Variants in EPHA5 observed in about 807,000 individuals in gnomAD.
The protein encoded by EPHA5 is EPH receptor A5.
Under a neutral mutation model 105.0 loss-of-function variants are expected in EPHA5, and 60 were observed. The ratio of observed to expected loss-of-function variants is 0.57; its 90% CI spans 0.46 to 0.71. The LOEUF is 0.71. Ranked by LOEUF, EPHA5 falls within the 30% of genes least tolerant of loss-of-function variation. The probability of loss-of-function intolerance (pLI) is 0.00; values close to 1 mark genes in which losing one functional copy is unlikely to be tolerated. For missense variants in EPHA5, 1,218 were observed against 1,274.7 expected, an observed-to-expected ratio of 0.96 and a Z score of 0.68; for synonymous variants, 513 against 449.1, an observed-to-expected ratio of 1.14 and a Z score of -1.80.
At chr4:65,584,260 A>C (rs555975483) in intron 3 of EPHA5, among the ~76,000 whole-genome samples, 1 of 151,898 alleles carries the variant, frequency 6.6e-6, no homozygotes, top group Non-Finnish European at 1.5e-5. Flanking sequence ...TCTGTGACTA[A>C]ATCTCTGTTG....
At chr4:65,614,637 T>C (rs1177794550) in intron 2 of EPHA5, among the ~76,000 whole-genome samples, 5 of 151,884 alleles carry the variant, frequency 3.3e-5, no homozygotes, top group African/African-American at 1.2e-4. Flanking sequence ...ATGCTAAATA[T>C]AGGCTAATGC....
intron 5 of EPHA5, among the ~76,000 whole-genome samples, chr4:65,428,435 A>C (rs1724659932): frequency 6.6e-6 from 1 of 152,110 alleles, no homozygotes; most frequent in African/African-American, 2.4e-5. Context: ...TTCTGTACTA[A>C]AGAAAGAAGG....
intron 15 of EPHA5, among the ~76,000 whole-genome samples, chr4:65,332,875 T>A (rs1720774030): frequency 6.6e-6 from 1 of 151,942 alleles, no homozygotes; most frequent in Non-Finnish European, 1.5e-5. Flanking sequence ...GAGGAACTTA[T>A]GCTCATTTAA....
intron 3 of EPHA5, among the ~76,000 whole-genome samples, chr4:65,497,160 C>G (rs1732028338): frequency 6.6e-6 from 1 of 152,126 alleles, no homozygotes; most frequent in South Asian, 2.1e-4. Flanking sequence ...ACTACATATA[C>G]TGAAGTATGA....
rs371511658 is a variant in EPHA5, at chr4:65,609,568, G to A, written c.247-7264C>T. On this transcript the variant is annotated intron_variant, in intron 2 of 16. Transcript: ENST00000613740. ...TTTGCAGCAAAATTCACAGACAATT[G>A]AGCATCTATTTTCAACAGTAAATGT... is the stretch of plus-strand genomic sequence containing the variant. Among the ~76,000 whole-genome samples, 295 of 150,830 alleles carry A rather than the reference G, an allele frequency of 2.0e-3. 2 individuals carry two copies. Among genetic ancestry groups the A allele is most frequent in the African/African-American group, 6.2e-3 (257 of 41,222 alleles).
At chr4:65,521,054 T>G (rs1734656912) in intron 3 of EPHA5, among the ~76,000 whole-genome samples, 1 of 152,122 alleles carries the variant, frequency 6.6e-6, no homozygotes, top group Non-Finnish European at 1.5e-5. Context: ...TAAATCATGC[T>G]GCTATAAAGA....
In EPHA5 at chr4:65,319,812, C is replaced by A. The variant is rs976228498; in HGVS notation, c.*4302G>T. The A allele has an allele frequency of 8.7e-6, 2 of 228,806 alleles. No individual in the cohort carries two copies. Among genetic ancestry groups the A allele is most frequent in the South Asian group, 3.6e-4 (2 of 5,512 alleles). 14.2% of individuals were successfully genotyped at this position (228,806 alleles called of 1,614,324 possible). A position where few individuals can be genotyped will look rare whatever the true frequency, so the allele number is the denominator to read the frequency against. On this transcript the variant is annotated 3_prime_UTR_variant, in exon 17 of 17. Coordinates refer to ENST00000613740, the MANE Select transcript of EPHA5 (RefSeq NM_001281766.3). ...TAAGAGATTTTGGTAAAAATACTAA[C>A]AAATGACTGAGTCTAAGTATTCTCA...
chr4:65,426,003 C>T (rs993806081), intron 5 of EPHA5, among the ~76,000 whole-genome samples: 2 of 152,114 alleles, frequency 1.3e-5, no homozygotes, highest in African/African-American at 2.4e-5. Flanking sequence ...CGTCCACCCT[C>T]GTTGAAGACG....
intron 5 of EPHA5, among the ~76,000 whole-genome samples, chr4:65,462,644 C>A (rs1404444943): frequency 1.3e-5 from 2 of 152,112 alleles, no homozygotes; most frequent in African/African-American, 4.8e-5. Context: ...TCCAGGAAGC[C>A]AGAAGAAACT....
At chr4:65,411,967 G>A (rs747388341) in intron 7 of EPHA5, among the ~76,000 whole-genome samples, 3 of 152,118 alleles carry the variant, frequency 2.0e-5, no homozygotes, top group East Asian at 1.9e-4. Context: ...GGTGGCTGAC[G>A]CCTGTAATCC....
intron 3 of EPHA5, among the ~76,000 whole-genome samples, chr4:65,599,974 A>T (rs1339298844): frequency 6.6e-6 from 1 of 152,148 alleles, no homozygotes. Flanking sequence ...TGTCAATCAA[A>T]ATAATGACAA....
rs112710497 is a variant in EPHA5, at chr4:65,368,695, A to C, written c.1794-1271T>G. On this transcript the variant is annotated intron_variant, in intron 8 of 16. Coordinates refer to ENST00000613740, the MANE Select transcript of EPHA5 (RefSeq NM_001281766.3). ...AGTATATAAGATGCTTTTCTATTGC[A>C]TTACCTATCTACTGCAAAATATTTA... is the stretch of plus-strand genomic sequence containing the variant. 5.2e-3 allele frequency among the ~76,000 whole-genome samples: 797 copies of C among 152,296 alleles called. 10 individuals carry two copies. Among genetic ancestry groups the C allele is most frequent in the African/African-American group, 0.018 (743 of 41,568 alleles).
chr4:65,579,206 A>T (rs1741358531), intron 3 of EPHA5, among the ~76,000 whole-genome samples: 1 of 151,464 alleles, frequency 6.6e-6, no homozygotes, highest in Non-Finnish European at 1.5e-5. Flanking sequence ...GCAATTTGCC[A>T]TGAGAATATA....
intron 3 of EPHA5, among the ~76,000 whole-genome samples, chr4:65,599,354 C>CACACACACACAT: frequency 6.6e-6 from 1 of 151,070 alleles, no homozygotes; most frequent in East Asian, 1.9e-4. Flanking sequence ...TTATAACACA[C>CACACACACACAT]ACACACACAC....
At chr4:65,658,105 T>G (rs1749231415) in intron 1 of EPHA5, among the ~76,000 whole-genome samples, 1 of 152,036 alleles carries the variant, frequency 6.6e-6, no homozygotes, top group African/African-American at 2.4e-5. Flanking sequence ...TCCATCTCAG[T>G]ATGATAGGCA....
intron 2 of EPHA5, among the ~76,000 whole-genome samples, chr4:65,615,892 A>T (rs929532244): frequency 2.0e-5 from 3 of 151,920 alleles, no homozygotes; most frequent in Non-Finnish European, 4.4e-5. Context: ...ATATTAAATT[A>T]AATCTGAAAT....
chr4:65,486,392 G>A (rs1002191677), intron 5 of EPHA5, among the ~76,000 whole-genome samples: 1 of 151,856 alleles, frequency 6.6e-6, no homozygotes, highest in Non-Finnish European at 1.5e-5. Flanking sequence ...TATTATGGAT[G>A]TTTTTCCCTA....
chr4:65,574,404 T>A (rs935602738), intron 3 of EPHA5: 1 of 655,584 alleles, frequency 1.5e-6, no homozygotes. Context: ...AATAAAAAAA[T>A]ACTCAAATAA....
chr4:65,595,099 C>A (rs1268917557), intron 3 of EPHA5, among the ~76,000 whole-genome samples: 3 of 150,882 alleles, frequency 2.0e-5, no homozygotes, highest in Non-Finnish European at 1.5e-5. Flanking sequence ...GTTTCCCATA[C>A]TTTTCACAGT....
Sources: allele counts gnomAD v4.1 joint callset (sites outside exome capture counted in the v4.1 genomes callset), GRCh38; gene constraint gnomAD v4.1.1; transcripts MANE v1.5; gene names NCBI Gene and HGNC (gene_info 2026-07-23, HGNC 2026-07-21).